The following PCDHA1 variants were observed in gnomAD, a reference collection of about 807,000 sequenced individuals.
PCDHA1 encodes the protein protocadherin alpha 1.
In PCDHA1, 42 loss-of-function variants were observed where a neutral mutation model predicts 61.3. The ratio of observed to expected loss-of-function variants is 0.69; its 90% CI spans 0.54 to 0.89. The LOEUF (loss-of-function observed/expected upper bound fraction) is 0.89. Among genes scored for constraint, PCDHA1 ranks in the 40% least tolerant of loss-of-function variants. PCDHA1 has a pLI of 0.00. For synonymous variants in PCDHA1, 610 were observed against 553.8 expected (o/e 1.10, Z -1.43); for missense variants, 1,256 against 1,235.3 (o/e 1.02, Z -0.25).
chr5:140,935,566 T>A (rs2090441028), intron 1 of PCDHA1, among the ~76,000 whole-genome samples: 1 of 152,246 alleles, frequency 6.6e-6, no homozygotes, highest in Non-Finnish European at 1.5e-5. Context: ...AAAGTTCCTC[T>A]CTGTGTAGTT....
At chr5:140,977,351 AT>A (rs2096757742) in intron 1 of PCDHA1, among the ~76,000 whole-genome samples, 1 of 152,348 alleles carries the variant, frequency 6.6e-6, no homozygotes, top group Non-Finnish European at 1.5e-5. Context: ...ATGATGACTG[AT>A]TGATAAAAAG....
chr5:140,863,257 C>G (rs1158491669), intron 1 of PCDHA1: 1 of 1,442,346 alleles, frequency 6.9e-7, no homozygotes, highest in Non-Finnish European at 9.4e-7. Context: ...CGTCGAGGTC[C>G]GGGAGGCAGC....
intron 1 of PCDHA1, chr5:140,822,746 A>G (rs2150119046): frequency 1.2e-5 from 19 of 1,613,888 alleles, no homozygotes; most frequent in Non-Finnish European, 1.5e-5. Flanking sequence ...GCCATGGATA[A>G]AAGTACATTC....
At chr5:140,962,203 C>T (rs1431150597) in intron 1 of PCDHA1, among the ~76,000 whole-genome samples, 1 of 152,086 alleles carries the variant, frequency 6.6e-6, no homozygotes, top group African/African-American at 2.4e-5. Flanking sequence ...CTTCCTATCT[C>T]CTTATTGATC....
At chr5:140,881,785 C>A (rs2058831561) in intron 1 of PCDHA1, among the ~76,000 whole-genome samples, 1 of 152,202 alleles carries the variant, frequency 6.6e-6, no homozygotes, top group South Asian at 2.1e-4. Context: ...AACTACCGAT[C>A]AATTGTCCCA....
chr5:140,795,936 C>T (rs1581617068), intron 1 of PCDHA1: 2 of 1,614,034 alleles, frequency 1.2e-6, no homozygotes, highest in Non-Finnish European at 1.7e-6. Flanking sequence ...CTGCAACTGA[C>T]AAAGGAACCC....
chr5:140,854,169 A>AAAAAG, intron 1 of PCDHA1: 1 of 675,122 alleles, frequency 1.5e-6, no homozygotes, highest in South Asian at 6.4e-5. Flanking sequence ...CAAAAAAAAA[A>AAAAAG]AAAAAAAGAG....
Position 140,803,082 on chromosome 5 carries a change from G to A in PCDHA1, c.2394+14398G>A, listed in dbSNP as rs782050127. On this transcript the variant is annotated intron_variant, in intron 1 of 3. Transcript: ENST00000504120. ...CCCGTTTCGCGTGGGGCTGTACACG[G>A]GAGAGATCAGCACGACCCGTGCCCT... The A allele has an allele frequency of 5.6e-6, 9 of 1,613,954 alleles. No individual in the cohort carries two copies. The South Asian group carries it at 8.8e-5, about 16-fold the overall frequency.
chr5:140,795,694 C>T (rs1554119536), intron 1 of PCDHA1: 1 of 1,613,984 alleles, frequency 6.2e-7, no homozygotes, highest in South Asian at 1.1e-5. Flanking sequence ...AACTTTTGCC[C>T]AATCAGTTTA....
intron 1 of PCDHA1, chr5:140,823,555 C>G: frequency 3.1e-6 from 5 of 1,613,846 alleles, no homozygotes; most frequent in South Asian, 1.1e-5. Context: ...GGCGAAGGTG[C>G]GCGCAGTGGA....
chr5:141,007,981 T>C (rs1346324109), intron 3 of PCDHA1, among the ~76,000 whole-genome samples: 1 of 152,260 alleles, frequency 6.6e-6, no homozygotes, highest in African/African-American at 2.4e-5. Context: ...GTCATGTATA[T>C]ATGAAATGTA....
chr5:140,993,811 G>A (rs1554253953), intron 3 of PCDHA1, among the ~76,000 whole-genome samples: 3 of 152,154 alleles, frequency 2.0e-5, no homozygotes, highest in African/African-American at 2.4e-5. Flanking sequence ...TGTAGCCTAG[G>A]AGCAATAGGC....
At chr5:140,882,374 C>A in intron 1 of PCDHA1, 1 of 1,614,186 alleles carries the variant, frequency 6.2e-7, no homozygotes, top group East Asian at 2.2e-5. Flanking sequence ...CTACTCCGTC[C>A]CCGAGGAAGC....
chr5:140,962,047 C>T (rs1288087343), intron 1 of PCDHA1, among the ~76,000 whole-genome samples: 2 of 151,982 alleles, frequency 1.3e-5, no homozygotes, highest in South Asian at 2.1e-4. Context: ...CCATGCCTGG[C>T]TAATTTTTTT....
intron 1 of PCDHA1, chr5:140,830,827 A>G (rs1334239168): frequency 6.4e-6 from 1 of 155,422 alleles, no homozygotes; most frequent in African/African-American, 2.4e-5. Context: ...TTTGAGCTTT[A>G]GGATAATTTT....
In PCDHA1 at chr5:140,844,186, T is replaced by G. The variant is rs1779260414; in HGVS notation, c.2394+55502T>G. ...CTTTAAGATCTCGGTTTATTCATCT[T>G]ATCTGACTTTTTAGTGTCTGGTAGT... On this transcript the variant is annotated intron_variant, in intron 1 of 3. Transcript: ENST00000504120. Among the ~76,000 whole-genome samples, 2 of 149,872 alleles carry G rather than the reference T, an allele frequency of 1.3e-5. 1 individual carries two copies. Among genetic ancestry groups the G allele is most frequent in the Admixed American group, 1.3e-4 (2 of 14,948 alleles).
intron 1 of PCDHA1, among the ~76,000 whole-genome samples, chr5:140,965,377 A>T (rs1479954226): frequency 6.6e-6 from 1 of 152,190 alleles, no homozygotes; most frequent in African/African-American, 2.4e-5. Context: ...AAACTTGGGG[A>T]CACAGAAGAA....
chr5:140,786,747 C>T lies in PCDHA1; in HGVS notation c.457C>T (p.Pro153Ser), dbSNP rs201063142. 273 of 1,614,210 alleles carry T rather than the reference C, an allele frequency of 1.7e-4. No homozygotes were observed. In the Middle Eastern group the frequency reaches 1.8e-3, roughly 11 times the overall value. Residue 153 changes from proline (P) to serine (S), a missense_variant, in exon 1 of 4, where the codon CCG becomes TCG. Pro to Ser is a moderately conservative substitution (Grantham distance 74). Coordinates refer to ENST00000504120, the MANE Select transcript of PCDHA1 (RefSeq NM_018900.4). ...ATCTAGACTCCTGAATTCGCGTTTT[C>T]CGATAGAAGGAGCTGCTGATGCAGA... is the stretch of plus-strand genomic sequence containing the variant. ...PESRLLNSRF[P>S]IEGAADADIG... is the part of the protein sequence containing the mutation.
rs2150175882 is a variant in PCDHA1, at chr5:140,829,839, G to A, written c.2394+41155G>A. The A allele has an allele frequency of 1.2e-6, 2 of 1,613,930 alleles. No individual in the cohort carries two copies. The highest frequency in any genetic ancestry group is 1.3e-5 in the African/African-American group (1 of 75,056). ...GGTGCAGTGAGCGAGCTGGTGCCGC[G>A]GTCACTGGGTGCAGGCCAAGTGGTG... On this transcript the variant is annotated intron_variant, in intron 1 of 3. Transcript: ENST00000504120.
Sources: allele counts gnomAD v4.1 joint callset (sites outside exome capture counted in the v4.1 genomes callset), GRCh38; gene constraint gnomAD v4.1.1; transcripts MANE v1.5; gene names NCBI Gene and HGNC (gene_info 2026-07-23, HGNC 2026-07-21).